KCNMA1: variants seen among roughly 807,000 people sequenced by gnomAD.
The protein encoded by KCNMA1 is potassium calcium-activated channel subfamily M alpha 1, also known as Calcium-activated potassium channel subunit alpha-1.
A neutral mutation model predicts 140.0 loss-of-function variants in KCNMA1; 29 were observed. The ratio of observed to expected loss-of-function variants is 0.21; its 90% confidence interval spans 0.15 to 0.28. The LOEUF (loss-of-function observed/expected upper bound fraction) is 0.28, where lower values mean the gene tolerates loss of function less well. Among genes scored for constraint, KCNMA1 ranks in the 10% least tolerant of loss-of-function variants. The probability of loss-of-function intolerance (pLI) is 1.00; values close to 1 mark genes in which losing one functional copy is unlikely to be tolerated. For missense variants in KCNMA1, 880 were observed against 1,602.2 expected (o/e 0.55, Z 7.70); for synonymous variants, 612 against 611.9 (o/e 1.00, Z 0.00).
intron 5 of KCNMA1, among the ~76,000 whole-genome samples, chr10:77,130,568 T>G (rs1270938054): frequency 6.6e-6 from 1 of 152,188 alleles, no homozygotes; most frequent in Non-Finnish European, 1.5e-5. Context: ...TATTCATCAA[T>G]GAATTAAAAT....
At chr10:77,359,364 C>T (rs528896924) in intron 2 of KCNMA1, among the ~76,000 whole-genome samples, 20 of 152,258 alleles carry the variant, frequency 1.3e-4, no homozygotes, top group Admixed American at 3.3e-4. Context: ...TGTGCTGGGT[C>T]TTTGAATGTG....
chr10:77,230,996 T>A (rs911919661), intron 3 of KCNMA1, among the ~76,000 whole-genome samples: 3 of 152,190 alleles, frequency 2.0e-5, no homozygotes, highest in Non-Finnish European at 4.4e-5. Context: ...GAAGCCACAC[T>A]GTCTCTAGAG....
chr10:77,073,309 C>G, intron 13 of KCNMA1, 57 bp from the exon 14 acceptor site: 1 of 1,582,326 alleles, frequency 6.3e-7, no homozygotes, highest in South Asian at 1.1e-5. Context: ...AATTGTTTAA[C>G]ATTTCTTCTG....
At chr10:77,237,233 G>A (rs1413516988) in intron 3 of KCNMA1, among the ~76,000 whole-genome samples, 1 of 152,204 alleles carries the variant, frequency 6.6e-6, no homozygotes. Context: ...TCCATGCAGT[G>A]TCTAATTGTT....
chr10:76,983,643 C>T (rs1189577696), intron 19 of KCNMA1, among the ~76,000 whole-genome samples: 1 of 151,554 alleles, frequency 6.6e-6, no homozygotes, highest in Non-Finnish European at 1.5e-5. Context: ...AGGAGAATCA[C>T]TTGAACCTGG....
In KCNMA1 at chr10:77,023,699, G is replaced by C. The variant is rs577259750; in HGVS notation, c.1928+4124C>G. Among the ~76,000 whole-genome samples, 11 of 152,246 alleles carry C rather than the reference G, an allele frequency of 7.2e-5. No individual in the cohort carries two copies. The East Asian group carries it at 2.1e-3, about 29-fold the overall frequency. ...TTTGTAGTTTACAGGCTATGTGCAG[G>C]CACAGTTCAGAGAAACCCCACATCT... On this transcript the variant is annotated intron_variant, in intron 16 of 27. Coordinates refer to ENST00000286628, the MANE Select transcript of KCNMA1 (RefSeq NM_001161352.2).
intron 1 of KCNMA1, among the ~76,000 whole-genome samples, chr10:77,426,459 GGGTTA>G: frequency 6.6e-6 from 1 of 152,184 alleles, no homozygotes; most frequent in African/African-American, 2.4e-5. Context: ...TAGGCATGAG[GGGTTA>G]GGTGAACGAC....
At chr10:77,633,547 C>T (rs966702756) in intron 1 of KCNMA1, among the ~76,000 whole-genome samples, 5 of 152,160 alleles carry the variant, frequency 3.3e-5, no homozygotes, top group Non-Finnish European at 5.9e-5. Flanking sequence ...AAGAGCTCCA[C>T]GGCACTGAAG....
intron 2 of KCNMA1, among the ~76,000 whole-genome samples, chr10:77,274,806 G>A (rs1211185976): frequency 3.9e-5 from 6 of 152,212 alleles, no homozygotes; most frequent in African/African-American, 1.4e-4. Context: ...AAGTTTGGTC[G>A]GTTAGCCAAC....
chr10:77,025,157 G>A (rs1166234369), intron 16 of KCNMA1, among the ~76,000 whole-genome samples: 6 of 148,762 alleles, frequency 4.0e-5, no homozygotes, highest in African/African-American at 7.4e-5. Flanking sequence ...AAGTTAGTGC[G>A]TCATCCAAAA....
chr10:77,432,651 A>G (rs2097176850), intron 1 of KCNMA1, among the ~76,000 whole-genome samples: 1 of 152,242 alleles, frequency 6.6e-6, no homozygotes, highest in African/African-American at 2.4e-5. Context: ...AGGCCCAGAC[A>G]GCAGAGATCT....
chr10:76,917,002 T>C (rs1476126348), intron 23 of KCNMA1, among the ~76,000 whole-genome samples: 4 of 152,256 alleles, frequency 2.6e-5, no homozygotes, highest in Admixed American at 1.3e-4. Flanking sequence ...GTCATTTTGA[T>C]TGACATTGTA....
At chr10:77,080,930 G>T (rs1458341592) in intron 12 of KCNMA1, among the ~76,000 whole-genome samples, 1 of 152,176 alleles carries the variant, frequency 6.6e-6, no homozygotes, top group Non-Finnish European at 1.5e-5. Context: ...ATGAGATCAA[G>T]GACTCAGCCT....
chr10:76,934,254 G>A (rs565085252), intron 23 of KCNMA1, among the ~76,000 whole-genome samples: 2 of 152,368 alleles, frequency 1.3e-5, no homozygotes, highest in African/African-American at 4.8e-5. Flanking sequence ...TTACAGGCAT[G>A]AGCCACTGCA....
intron 1 of KCNMA1, among the ~76,000 whole-genome samples, chr10:77,469,384 C>A (rs1038755731): frequency 1.3e-5 from 2 of 152,154 alleles, no homozygotes; most frequent in African/African-American, 4.8e-5. Context: ...GTTTGCCTGG[C>A]CACCTAAGGA....
At chr10:76,945,026 A>G (rs1348507805) in intron 22 of KCNMA1, 61 bp from the exon 23 acceptor site, 5 of 1,393,746 alleles carry the variant, frequency 3.6e-6, no homozygotes, top group Non-Finnish European at 5.1e-6. Flanking sequence ...AGAGAGAGAG[A>G]GAGAGGAGCA....
At chr10:77,621,530 A>G (rs1412539953) in intron 1 of KCNMA1, among the ~76,000 whole-genome samples, 1 of 147,712 alleles carries the variant, frequency 6.8e-6, no homozygotes, top group Admixed American at 6.7e-5. Flanking sequence ...ATGTACACAC[A>G]CACACACACA....
chr10:76,984,198 TTAC>T (rs2153233923), intron 19 of KCNMA1, among the ~76,000 whole-genome samples: 1 of 45,126 alleles, frequency 2.2e-5, no homozygotes, highest in South Asian at 9.0e-4. Flanking sequence ...GTATTATTAT[TTAC>T]TTTTTTTTTT....
At chr10:77,323,675 T>A (rs1442990425) in intron 2 of KCNMA1, among the ~76,000 whole-genome samples, 1 of 152,246 alleles carries the variant, frequency 6.6e-6, no homozygotes, top group African/African-American at 2.4e-5. Context: ...ATTTAGTAAC[T>A]GAAGATAAGT....
Sources: allele counts gnomAD v4.1 joint callset (sites outside exome capture counted in the v4.1 genomes callset), GRCh38; gene constraint gnomAD v4.1.1; transcripts MANE v1.5; gene names NCBI Gene and HGNC (gene_info 2026-07-23, HGNC 2026-07-21).